The following CTNNA3 variants were observed in gnomAD, a reference collection of about 807,000 sequenced individuals.
CTNNA3 encodes the protein catenin alpha-3.
A neutral mutation model predicts 95.7 loss-of-function variants in CTNNA3; 76 were observed. The ratio of observed to expected loss-of-function variants is 0.79; its 90% CI spans 0.66 to 0.96. The LOEUF is 0.96. Among genes scored for constraint, CTNNA3 ranks in the 40% least tolerant of loss-of-function variants. The pLI is 0.00. For missense variants in CTNNA3, 1,191 were observed against 1,089.8 expected (o/e 1.09, Z -1.31); for synonymous variants, 431 against 374.4 (o/e 1.15, Z -1.74).
chr10:66,990,832 A>T (rs1851000147), intron 7 of CTNNA3, among the ~76,000 whole-genome samples: 1 of 152,200 alleles, frequency 6.6e-6, no homozygotes. Flanking sequence ...TATTCAAGGA[A>T]GTAAAATTTC....
At chr10:67,718,288 CT>C (rs1292437076) in intron 1 of CTNNA3, among the ~76,000 whole-genome samples, 1 of 152,132 alleles carries the variant, frequency 6.6e-6, no homozygotes, top group East Asian at 1.9e-4. Flanking sequence ...TCCTCTTTTC[CT>C]ATTTGAATAC....
chr10:66,415,464 G>A (rs2394213), intron 11 of CTNNA3, among the ~76,000 whole-genome samples: 17,833 of 152,024 alleles, frequency 0.12, 1,513 homozygotes, highest in African/African-American at 0.24. Context: ...CATTGCCTAC[G>A]CCATATTAGC....
intron 12 of CTNNA3, among the ~76,000 whole-genome samples, chr10:66,292,044 C>A (rs1219091417): frequency 4.0e-5 from 6 of 150,630 alleles, no homozygotes; most frequent in Admixed American, 2.7e-4. Context: ...ATACACACAC[C>A]AAATTTGGTA....
intron 13 of CTNNA3, among the ~76,000 whole-genome samples, chr10:66,151,104 C>G (rs1284614877): frequency 6.6e-6 from 1 of 151,786 alleles, no homozygotes; most frequent in Non-Finnish European, 1.5e-5. Flanking sequence ...CATAAGATGT[C>G]AATAATTGGT....
chr10:66,182,877 AC>A (rs1476225698), intron 13 of CTNNA3, among the ~76,000 whole-genome samples: 2 of 152,164 alleles, frequency 1.3e-5, no homozygotes, highest in African/African-American at 4.8e-5. Flanking sequence ...TGTCAAACTT[AC>A]CCTGAGTCAA....
intron 10 of CTNNA3, among the ~76,000 whole-genome samples, chr10:66,608,238 C>T (rs761758346): frequency 4.0e-5 from 6 of 151,896 alleles, no homozygotes; most frequent in African/African-American, 7.2e-5. Flanking sequence ...TACAGGTAAT[C>T]GGGGAGGTGA....
intron 7 of CTNNA3, among the ~76,000 whole-genome samples, chr10:66,839,563 A>C (rs1020426823): frequency 6.6e-6 from 1 of 152,144 alleles, no homozygotes; most frequent in Non-Finnish European, 1.5e-5. Context: ...CTAGTCTGGA[A>C]TCCAAAATAG....
chr10:67,529,534 C>A (rs985726830), intron 4 of CTNNA3, among the ~76,000 whole-genome samples: 1 of 150,232 alleles, frequency 6.7e-6, no homozygotes, highest in Admixed American at 6.6e-5. Flanking sequence ...GGAGATATAC[C>A]TAATGCTAAA....
chr10:67,525,163 T>C (rs535098968), intron 4 of CTNNA3, among the ~76,000 whole-genome samples: 128 of 152,138 alleles, frequency 8.4e-4, no homozygotes, highest in East Asian at 6.8e-3. Context: ...CCTGTGTTTT[T>C]TTTTTTAACT....
chr10:66,694,864 T>C (rs1847698638), intron 9 of CTNNA3, among the ~76,000 whole-genome samples: 1 of 152,196 alleles, frequency 6.6e-6, no homozygotes, highest in African/African-American at 2.4e-5. Flanking sequence ...ATGCCATTTT[T>C]AAATTTGGTA....
At chr10:65,927,908 AC>A (rs2077191502) in intron 17 of CTNNA3, among the ~76,000 whole-genome samples, 1 of 152,176 alleles carries the variant, frequency 6.6e-6, no homozygotes, top group Non-Finnish European at 1.5e-5. Flanking sequence ...TTTGAATTCC[AC>A]CAGCAATGTA....
At chr10:66,120,848 A>G (rs553561187) in intron 13 of CTNNA3, among the ~76,000 whole-genome samples, 4 of 152,292 alleles carry the variant, frequency 2.6e-5, no homozygotes, top group Admixed American at 6.5e-5. Flanking sequence ...CAAAGAGAGG[A>G]AAAGAAAGCA....
At chr10:66,379,101 T>G in intron 12 of CTNNA3, 51 bp downstream of exon 12, 2 of 1,412,232 alleles carry the variant, frequency 1.4e-6, no homozygotes, top group South Asian at 1.2e-5. Flanking sequence ...TTCGTAGCTA[T>G]GTAGATTCAA....
chr10:66,667,280 G>T (rs1293704944), intron 9 of CTNNA3, among the ~76,000 whole-genome samples: 1 of 150,180 alleles, frequency 6.7e-6, no homozygotes, highest in African/African-American at 2.5e-5. Context: ...ATCTATTCCC[G>T]CCTGTCCAGA....
Position 67,688,688 on chromosome 10 carries a change from G to C in CTNNA3, c.-6+7312C>G, listed in dbSNP as rs182820277. 5.1e-4 allele frequency among the ~76,000 whole-genome samples: 77 copies of C among 152,258 alleles called. No individual in the cohort carries two copies. The East Asian group carries it at 0.013, about 25-fold the overall frequency. ...ATGGCTTAGGATGCATTTCAAGGGT[G>C]AGCCTGTTGATGCCTGAGTGTTTCC... On this transcript the variant is annotated intron_variant, in intron 1 of 17. Coordinates refer to ENST00000433211, the MANE Select transcript of CTNNA3 (RefSeq NM_013266.4).
chr10:66,697,735 A>G (rs772602562), intron 9 of CTNNA3, among the ~76,000 whole-genome samples: 1 of 152,190 alleles, frequency 6.6e-6, no homozygotes, highest in Non-Finnish European at 1.5e-5. Context: ...ATGAAAAAAC[A>G]TTGTCCTAAG....
At chr10:65,936,816 A>T (rs2077346999) in intron 17 of CTNNA3, among the ~76,000 whole-genome samples, 1 of 152,064 alleles carries the variant, frequency 6.6e-6, no homozygotes, top group South Asian at 2.1e-4. Context: ...CATAATAATC[A>T]TATCTACCTA....
intron 10 of CTNNA3, among the ~76,000 whole-genome samples, chr10:66,614,117 C>T (rs1365187368): frequency 6.6e-6 from 1 of 152,110 alleles, no homozygotes; most frequent in Non-Finnish European, 1.5e-5. Flanking sequence ...GAACAAGTTG[C>T]TGTTTTTACA....
intron 15 of CTNNA3, among the ~76,000 whole-genome samples, chr10:66,010,142 A>G (rs1564575534): frequency 9.2e-6 from 1 of 108,724 alleles, no homozygotes; most frequent in African/African-American, 3.3e-5. Flanking sequence ...TTATCCGAAA[A>G]CATTGTTCAT....
Sources: gnomAD v4.1 joint callset for allele counts (sites outside exome capture counted in the v4.1 genomes callset) on GRCh38, gnomAD v4.1.1 for gene constraint, MANE v1.5 for transcripts, NCBI Gene and HGNC (gene_info 2026-07-23, HGNC 2026-07-21) for gene names.